Variants in PPAT observed in about 807,000 individuals in gnomAD.
PPAT encodes phosphoribosyl pyrophosphate amidotransferase, also known as amidophosphoribosyltransferase.
In PPAT, 20 loss-of-function variants were observed where a neutral mutation model predicts 60.2. That is an observed-to-expected ratio of 0.33 (90% CI 0.23 to 0.48). The LOEUF is 0.48. Ranked by LOEUF, PPAT falls within the 20% of genes least tolerant of loss-of-function variation. The probability of loss-of-function intolerance (pLI) is 0.99; values close to 1 mark genes in which losing one functional copy is unlikely to be tolerated. For missense variants in PPAT, 349 were observed against 629.6 expected, an observed-to-expected ratio of 0.55 and a Z score of 4.77; for synonymous variants, 194 against 215.1, an observed-to-expected ratio of 0.90 and a Z score of 0.86.
chr4:56,403,415 A>C lies in PPAT; in HGVS notation c.403-14T>G, dbSNP rs540238141. 1 of 1,579,664 alleles carries C rather than the reference A, an allele frequency of 6.3e-7. No homozygotes were observed. Among genetic ancestry groups the C allele is most frequent in the Non-Finnish European group, 8.7e-7 (1 of 1,154,746 alleles). On this transcript the variant is annotated splice_polypyrimidine_tract_variant and intron_variant, in intron 3 of 10. Coordinates refer to ENST00000264220, the MANE Select transcript of PPAT (RefSeq NM_002703.5). ...ATGACGCAGAAGCTATATAGAAAAAAAGAGAAGTTTAATCATCAGAGGGGA... is the reference window on the plus strand; with the variant it reads ...ATGACGCAGAAGCTATATAGAAAAACAGAGAAGTTTAATCATCAGAGGGGA...
intron 1 of PPAT, among the ~76,000 whole-genome samples, chr4:56,431,108 A>G (rs765245493): frequency 1.3e-5 from 2 of 149,994 alleles, no homozygotes. Flanking sequence ...GACACTTAAA[A>G]TAAGTCACTC....
intron 1 of PPAT, among the ~76,000 whole-genome samples, chr4:56,418,768 T>C (rs1299211140): frequency 6.6e-6 from 1 of 152,134 alleles, no homozygotes; most frequent in African/African-American, 2.4e-5. Context: ...AAACACAAGA[T>C]TGGTTGTCAA....
intron 1 of PPAT, chr4:56,422,904 C>T (rs1469462176): frequency 2.0e-5 from 3 of 152,084 alleles, no homozygotes; most frequent in Non-Finnish European, 2.9e-5. Flanking sequence ...AATTCTTGGG[C>T]CCCATCCAGA....
At position 56,395,292 on chromosome 4, in the gene PPAT, A is replaced by C; in HGVS notation, c.*60T>G. ...AGTAACAGTAAATAGATGAGGTGTG[A>C]CCACTATAACTTCTTGACCAACTTT... On this transcript the variant is annotated 3_prime_UTR_variant, in exon 11 of 11. Transcript: ENST00000264220. 7.3e-7 allele frequency: 1 copy of C among 1,377,908 alleles called. No individual in the cohort carries two copies. The highest frequency in any genetic ancestry group is 1.0e-6 in the Non-Finnish European group (1 of 991,154). The allele number at this position is 1,377,908 out of a possible 1,614,324, so 85.4% of individuals were successfully genotyped here. A position where few individuals can be genotyped will look rare whatever the true frequency, so the allele number is the denominator to read the frequency against.
rs3822000 is a variant in PPAT, at chr4:56,404,250, T to C, written c.403-849A>G. Reference sequence around the variant, plus strand: ...AAAATTTGATTTGTGGGTCTGACATTTTCTACCCTCAACACTCTTGATGAA... The same window carrying C: ...AAAATTTGATTTGTGGGTCTGACATCTTCTACCCTCAACACTCTTGATGAA... On this transcript the variant is annotated intron_variant, in intron 3 of 10. Coordinates refer to ENST00000264220, the MANE Select transcript of PPAT (RefSeq NM_002703.5). The C allele has an allele frequency of 2.3e-3, 605 of 261,228 alleles. 22 individuals carry two copies. In the East Asian group the frequency reaches 0.046, roughly 20 times the overall value. 16.2% of individuals were successfully genotyped at this position (261,228 alleles called of 1,614,324 possible).
At chr4:56,427,392 T>C (rs1307242277) in intron 1 of PPAT, among the ~76,000 whole-genome samples, 11 of 152,258 alleles carry the variant, frequency 7.2e-5, no homozygotes, top group Admixed American at 2.0e-4. Context: ...CTTGGTCATA[T>C]GGCATATGCT....
chr4:56,429,722 A>T (rs1717482296), intron 1 of PPAT, among the ~76,000 whole-genome samples: 1 of 152,198 alleles, frequency 6.6e-6, no homozygotes, highest in Non-Finnish European at 1.5e-5. Flanking sequence ...TACAAAGTAG[A>T]CACACCAAAT....
intron 1 of PPAT, among the ~76,000 whole-genome samples, chr4:56,426,911 T>G (rs11728110): frequency 0.43 from 66,038 of 152,018 alleles, 14,860 homozygotes; most frequent in Non-Finnish European, 0.49. Context: ...ATCCCAACTC[T>G]CCTTAGCCTG....
At chr4:56,427,005 C>G (rs2110064947) in intron 1 of PPAT, among the ~76,000 whole-genome samples, 1 of 152,248 alleles carries the variant, frequency 6.6e-6, no homozygotes, top group Middle Eastern at 3.4e-3. Flanking sequence ...AATATTCGTC[C>G]ATTTGTGCCT....
chr4:56,415,067 C>T (rs1716653592), intron 1 of PPAT, among the ~76,000 whole-genome samples: 1 of 152,098 alleles, frequency 6.6e-6, no homozygotes, highest in African/African-American at 2.4e-5. Flanking sequence ...TGATAAAGAG[C>T]ATATCTTTTC....
chr4:56,430,308 C>T (rs980478195), intron 1 of PPAT, among the ~76,000 whole-genome samples: 5 of 152,116 alleles, frequency 3.3e-5, no homozygotes, highest in Admixed American at 6.6e-5. Context: ...AAGCACTTTA[C>T]ATATATTAAC....
In PPAT at chr4:56,394,248, TG is replaced by T. The variant is rs1010145423; in HGVS notation, c.*1103del. 6.6e-6 allele frequency: 1 copy of T among 152,206 alleles called. No individual in the cohort carries two copies. The highest frequency in any genetic ancestry group is 1.5e-5 in the Non-Finnish European group (1 of 68,030). 9.4% of individuals were successfully genotyped at this position (152,206 alleles called of 1,614,324 possible). On this transcript the variant is annotated 3_prime_UTR_variant, in exon 11 of 11. Coordinates refer to ENST00000264220, the MANE Select transcript of PPAT (RefSeq NM_002703.5). Reference sequence around the variant, plus strand: ...TATAAGATGATACTTGGACTTGGATTGTAAGTTGATACTAATTCCCCAAAGT... The same window carrying T: ...TATAAGATGATACTTGGACTTGGATTTAAGTTGATACTAATTCCCCAAAGT...
chr4:56,396,069 A>G lies in PPAT; in HGVS notation c.1358-521T>C, dbSNP rs1319417859. On this transcript the variant is annotated intron_variant, in intron 10 of 10. Transcript: ENST00000264220. The surrounding 1 kb of genome is among the most constrained non-coding windows in gnomAD (Gnocchi z 4.6). ...AATATTTAACCAGTGAGGCATATGC[A>G]TGACAGGTTAAAAGAAACACCAGCC... is the stretch of plus-strand genomic sequence containing the variant. Among the ~76,000 whole-genome samples, 1 of 152,214 alleles carries G rather than the reference A, an allele frequency of 6.6e-6. No homozygotes were observed. Among genetic ancestry groups the G allele is most frequent in the Non-Finnish European group, 1.5e-5 (1 of 68,038 alleles).
At chr4:56,422,466 GT>G (rs67333883) in intron 1 of PPAT, 67,066 of 141,960 alleles carry the variant, frequency 0.47, 15,643 homozygotes, top group East Asian at 0.53. Context: ...TAATATTCTG[GT>G]TTTTTTTTTT....
Position 56,419,183 on chromosome 4 carries a change from A to G in PPAT, c.129-11467T>C, listed in dbSNP as rs79935503. ...GCCAAAGGAAATCGTAAGATAAAGAAAAAAGAAAGGAGTTAAATTGTTTGT... is the reference window on the plus strand; with the variant it reads ...GCCAAAGGAAATCGTAAGATAAAGAGAAAAGAAAGGAGTTAAATTGTTTGT... On this transcript the variant is annotated intron_variant, in intron 1 of 10. Transcript: ENST00000264220. Among the ~76,000 whole-genome samples, 81 of 152,364 alleles carry G rather than the reference A, an allele frequency of 5.3e-4. 1 individual carries two copies. The East Asian group carries it at 0.015, about 28-fold the overall frequency.
At chr4:56,434,880 C>A (rs963182631) in intron 1 of PPAT, among the ~76,000 whole-genome samples, 17 of 152,358 alleles carry the variant, frequency 1.1e-4, no homozygotes, top group African/African-American at 4.1e-4. Flanking sequence ...TCTGCCCTTG[C>A]AAACAAAAGC....
At chr4:56,410,153 CCTCTTGGAA>C (rs983085142) in intron 1 of PPAT, among the ~76,000 whole-genome samples, 27 of 152,218 alleles carry the variant, frequency 1.8e-4, no homozygotes, top group African/African-American at 6.0e-4. Flanking sequence ...TGGCTATAGA[CCTCTTGGAA>C]AAAGCCTCTG....
chr4:56,397,130 G>A (rs1189863232), intron 9 of PPAT, among the ~76,000 whole-genome samples: 1 of 142,450 alleles, frequency 7.0e-6, no homozygotes, highest in Non-Finnish European at 1.5e-5. Context: ...ACGTTTACAT[G>A]GCTATACTCA....
chr4:56,399,506 A>G (rs1716061923), intron 8 of PPAT, 106 bp from the exon 9 acceptor site: 1 of 929,684 alleles, frequency 1.1e-6, no homozygotes, highest in South Asian at 2.0e-5. Flanking sequence ...ATTTCAAAAT[A>G]ATTTTCCTTT....
Sources: gnomAD v4.1 joint callset for allele counts (sites outside exome capture counted in the v4.1 genomes callset) on GRCh38, gnomAD v4.1.1 for gene constraint, Gnocchi (gnomAD v3.1) non-coding constraint, MANE v1.5 for transcripts, NCBI Gene and HGNC (gene_info 2026-07-23, HGNC 2026-07-21) for gene names.